FGFR2: variants seen among roughly 807,000 people sequenced by gnomAD.
FGFR2 encodes fibroblast growth factor receptor 2.
FGFR2 carries 19 observed loss-of-function variants against 95.9 expected under a neutral mutation model. The ratio of observed to expected loss-of-function variants is 0.20; its 90% CI spans 0.14 to 0.29. The LOEUF (loss-of-function observed/expected upper bound fraction) is 0.29. FGFR2 is among the 10% of genes least tolerant of loss of function. The probability of loss-of-function intolerance (pLI) is 1.00; values close to 1 mark genes in which losing one functional copy is unlikely to be tolerated. For synonymous variants in FGFR2, 392 were observed against 393.3 expected (o/e 1.00, Z 0.04); for missense variants, 707 against 1,056.9 (o/e 0.67, Z 4.59).
rs773358865 is a variant in FGFR2, at chr10:121,593,756, G to A, written c.62C>T (p.Ala21Val). 3.1e-6 allele frequency: 5 copies of A among 1,614,086 alleles called. No homozygotes were observed. In the African/African-American group the frequency reaches 6.7e-5, roughly 22 times the overall value. The change falls in exon 2 of 18, where the codon GCC becomes GTC. Residue 21 changes from alanine to valine, a missense_variant. Coordinates refer to ENST00000358487, the MANE Select transcript of FGFR2 (RefSeq NM_000141.5). Reference protein sequence around the residue: ...VVVTMATLSLARPSFSLVEDT... With the variant: ...VVVTMATLSLVRPSFSLVEDT... ...CTCAACTAAACTGAAGGAGGGCCGGGCCAGGGACAAGGTTGCCATGGTGAC... is the reference window on the plus strand; with the variant it reads ...CTCAACTAAACTGAAGGAGGGCCGGACCAGGGACAAGGTTGCCATGGTGAC...
chr10:121,562,348 G>T (rs1032988284), intron 4 of FGFR2, among the ~76,000 whole-genome samples: 5 of 151,198 alleles, frequency 3.3e-5, no homozygotes, highest in Admixed American at 1.3e-4. Context: ...GCAGTGGTGT[G>T]ATCTCGACTC....
At chr10:121,583,018 T>A (rs1861180184) in intron 2 of FGFR2, among the ~76,000 whole-genome samples, 2 of 152,202 alleles carry the variant, frequency 1.3e-5, no homozygotes, top group South Asian at 4.1e-4. Context: ...TGGGCTCCAT[T>A]CCCTGGCCTC....
chr10:121,485,110 CA>C lies in FGFR2; in HGVS notation c.2195+284del, dbSNP rs1476519685. On this transcript the variant is annotated intron_variant, in intron 16 of 17. Coordinates refer to ENST00000358487, the MANE Select transcript of FGFR2 (RefSeq NM_000141.5). This position sits in a 1 kb window ranked among gnomAD's most constrained non-coding sequence, Gnocchi z 4.2. ...GTGCAGCACAGTGGCCCAGGAAGAC[CA>C]CTCCTGCTGGCTCTGCAAAGTCAGG... 6.6e-6 allele frequency among the ~76,000 whole-genome samples: 1 copy of C among 152,104 alleles called. No homozygotes were observed. The highest frequency in any genetic ancestry group is 1.5e-5 in the Non-Finnish European group (1 of 68,012).
intron 2 of FGFR2, among the ~76,000 whole-genome samples, chr10:121,576,053 G>A (rs978506271): frequency 2.0e-5 from 3 of 151,546 alleles, no homozygotes; most frequent in African/African-American, 7.3e-5. Context: ...CGGGCGTGGT[G>A]GCACACGCCT....
chr10:121,532,819 A>T (rs1208317217), intron 6 of FGFR2, among the ~76,000 whole-genome samples: 2 of 152,172 alleles, frequency 1.3e-5, no homozygotes, highest in Non-Finnish European at 2.9e-5. Context: ...TCTTGAACAC[A>T]CACCTGAGGG....
chr10:121,555,622 T>C (rs1317144213), intron 4 of FGFR2, among the ~76,000 whole-genome samples: 6 of 152,150 alleles, frequency 3.9e-5, no homozygotes, highest in African/African-American at 9.7e-5. Context: ...TCTGATGTAA[T>C]AGGTACCACA....
At chr10:121,532,512 C>T (rs147795477) in intron 6 of FGFR2, among the ~76,000 whole-genome samples, 2 of 152,296 alleles carry the variant, frequency 1.3e-5, no homozygotes, top group East Asian at 1.9e-4. Flanking sequence ...AACTAGGCCA[C>T]CGCTTCTTCA....
intron 2 of FGFR2, among the ~76,000 whole-genome samples, chr10:121,589,789 A>G (rs1862360880): frequency 6.6e-6 from 1 of 152,264 alleles, no homozygotes; most frequent in African/African-American, 2.4e-5. Flanking sequence ...TTGACCAAGA[A>G]TAAGTCCTTG....
chr10:121,520,451 C>T (rs533513820), intron 6 of FGFR2, among the ~76,000 whole-genome samples: 10 of 152,226 alleles, frequency 6.6e-5, no homozygotes, highest in African/African-American at 1.4e-4. Flanking sequence ...CTGATGAATA[C>T]GGGAAGAAAT....
At chr10:121,587,005 G>A (rs1861927426) in intron 2 of FGFR2, among the ~76,000 whole-genome samples, 2 of 152,144 alleles carry the variant, frequency 1.3e-5, no homozygotes, top group South Asian at 2.1e-4. Flanking sequence ...ATACTGTGGG[G>A]CTACGGTAAC....
intron 11 of FGFR2, among the ~76,000 whole-genome samples, chr10:121,500,359 T>C (rs1847439266): frequency 6.6e-6 from 1 of 152,168 alleles, no homozygotes; most frequent in Admixed American, 6.5e-5. Flanking sequence ...ACCAGTGTCA[T>C]TTCTGCTTTG....
At position 121,496,517 on chromosome 10, in the gene FGFR2, A is replaced by G. The variant is rs1846834291; in HGVS notation, c.1863+15T>C. 2 of 1,613,856 alleles carry G rather than the reference A, an allele frequency of 1.2e-6. No homozygotes were observed. Among genetic ancestry groups the G allele is most frequent in the East Asian group, 2.2e-5 (1 of 44,878 alleles). On this transcript the variant is annotated intron_variant, in intron 13 of 17. Transcript: ENST00000358487. ...GTTGGATTCCACCCAGCCAAGTAGAATGTGAAAGACTCACTTTTTGGGAAG... is the reference window on the plus strand; with the variant it reads ...GTTGGATTCCACCCAGCCAAGTAGAGTGTGAAAGACTCACTTTTTGGGAAG...
chr10:121,571,643 C>CA (rs1313269440), intron 2 of FGFR2, among the ~76,000 whole-genome samples: 1 of 136,048 alleles, frequency 7.4e-6, no homozygotes, highest in African/African-American at 2.7e-5. Context: ...AACAAACAAA[C>CA]AAACAAACAA....
chr10:121,552,193 G>A (rs973223832), intron 4 of FGFR2, among the ~76,000 whole-genome samples: 1 of 152,104 alleles, frequency 6.6e-6, no homozygotes, highest in Admixed American at 6.6e-5. Flanking sequence ...AGATGTCCCC[G>A]AAAGTCATAA....
chr10:121,492,706 T>C (rs949237840), intron 13 of FGFR2, among the ~76,000 whole-genome samples: 1 of 152,206 alleles, frequency 6.6e-6, no homozygotes, highest in African/African-American at 2.4e-5. Context: ...AAGGGGACCA[T>C]GCTTAACATC....
intron 1 of FGFR2, among the ~76,000 whole-genome samples, chr10:121,597,028 C>A (rs1863527216): frequency 6.6e-6 from 1 of 152,094 alleles, no homozygotes; most frequent in Admixed American, 6.5e-5. Flanking sequence ...TAATGGGTGC[C>A]CTGAGTTTGA....
intron 15 of FGFR2, among the ~76,000 whole-genome samples, chr10:121,486,527 T>C (rs749655673): frequency 2.6e-5 from 4 of 152,184 alleles, no homozygotes; most frequent in Non-Finnish European, 5.9e-5. Flanking sequence ...CTGCAACCTC[T>C]GACTCCCAGG....
chr10:121,520,318 C>A, intron 6 of FGFR2, 149 bp from the exon 7 acceptor site: 17 of 744,126 alleles, frequency 2.3e-5, no homozygotes, highest in East Asian at 8.3e-5. Context: ...ACTGTGGCCC[C>A]ATGAATAACA....
At chr10:121,507,193 T>A (rs913342002) in intron 9 of FGFR2, among the ~76,000 whole-genome samples, 5 of 152,154 alleles carry the variant, frequency 3.3e-5, no homozygotes, top group Non-Finnish European at 1.5e-5. Context: ...GACTGTGCGG[T>A]CAGATTGTCA....
Sources: allele counts gnomAD v4.1 joint callset (sites outside exome capture counted in the v4.1 genomes callset), GRCh38; gene constraint gnomAD v4.1.1; non-coding constraint Gnocchi (gnomAD v3.1); transcripts MANE v1.5; gene names NCBI Gene and HGNC (gene_info 2026-07-23, HGNC 2026-07-21).